Variants in GATD1 observed in about 807,000 individuals in gnomAD.
GATD1 encodes the protein glutamine amidotransferase-like class 1 domain-containing protein 1.
Under a neutral mutation model 25.9 loss-of-function variants are expected in GATD1, and 23 were observed. The ratio of observed to expected loss-of-function variants is 0.89; its 90% CI spans 0.64 to 1.26. The LOEUF is 1.26. Ranked by LOEUF, GATD1 falls within the 50% of genes most tolerant of loss-of-function variation. The probability of loss-of-function intolerance (pLI) is 0.00; values close to 1 mark genes in which losing one functional copy is unlikely to be tolerated. For missense variants in GATD1, 347 were observed against 312.5 expected (o/e 1.11, Z -0.83); for synonymous variants, 177 against 134.6 (o/e 1.31, Z -2.18).
chr11:770,952 G>A lies in GATD1; in HGVS notation c.656+41C>T, dbSNP rs761110618. On this transcript the variant is annotated intron_variant, in intron 7 of 7. Coordinates refer to ENST00000319863, the MANE Select transcript of GATD1 (RefSeq NM_182612.4). ...AGCTTGGGCAAAAGCACCGGGTGCA[G>A]CTCTGATGTGGCAGGAATGTGCCCA... The A allele has an allele frequency of 2.5e-6, 4 of 1,613,730 alleles. 1 individual carries two copies. The highest frequency in any genetic ancestry group is 2.2e-5 in the South Asian group (2 of 91,074).
chr11:770,702 G>A lies in GATD1; in HGVS notation c.*195C>T. The A allele has an allele frequency of 6.9e-7, 1 of 1,441,686 alleles. No individual in the cohort carries two copies. The highest frequency in any genetic ancestry group is 1.4e-5 in the African/African-American group (1 of 70,224). The allele number at this position is 1,441,686 out of a possible 1,614,324, so 89.3% of individuals were successfully genotyped here. On this transcript the variant is annotated 3_prime_UTR_variant, in exon 8 of 8. Transcript: ENST00000319863. Reference sequence around the variant, plus strand: ...ACCAGAGAACATGCAGGAGGATGGGGGTTTGGACCCTCCAGGAGAGCCGAC... The same window carrying A: ...ACCAGAGAACATGCAGGAGGATGGGAGTTTGGACCCTCCAGGAGAGCCGAC...
chr11:775,664 C>A (rs116734035), intron 1 of GATD1, among the ~76,000 whole-genome samples: 8 of 152,214 alleles, frequency 5.3e-5, no homozygotes, highest in African/African-American at 1.7e-4. Flanking sequence ...CCTGGCCCCC[C>A]CTCACCCCTT....
Position 772,517 on chromosome 11 carries a change from G to C in GATD1, c.360C>G (p.Pro120=), listed in dbSNP as rs748025248. Residue 120 remains proline, a synonymous_variant, in exon 5 of 8, where the codon CCC becomes CCG. Coordinates refer to ENST00000319863, the MANE Select transcript of GATD1 (RefSeq NM_182612.4). ...CGACACCGTGGCCGACGGCGCAGAT[G>C]GGTTCTGAAAGCCGTACATGGCGTT... is the stretch of plus-strand genomic sequence containing the variant. The part of the protein sequence containing the change: ...ILQHFHSESK[P]ICAVGHGVAA... 2 of 1,610,686 alleles carry C rather than the reference G, an allele frequency of 1.2e-6. No homozygotes were observed. Among genetic ancestry groups the C allele is most frequent in the East Asian group, 4.5e-5 (2 of 44,870 alleles).
chr11:775,869 C>T (rs1374674868), intron 1 of GATD1, among the ~76,000 whole-genome samples: 5 of 152,174 alleles, frequency 3.3e-5, no homozygotes, highest in Non-Finnish European at 5.9e-5. Context: ...CCCACCCTGC[C>T]TGCCGGAGAG....
Position 772,482 on chromosome 11 carries a change from C to T in GATD1, c.395G>A (p.Cys132Tyr). 6.2e-7 allele frequency: 1 copy of T among 1,613,102 alleles called. No individual in the cohort carries two copies. The highest frequency in any genetic ancestry group is 8.5e-7 in the Non-Finnish European group (1 of 1,179,994). ...CAVGHGVAALCCATNEDRSWV... is the reference protein window; with the variant it reads ...CAVGHGVAALYCATNEDRSWV... Reference sequence around the variant, plus strand: ...GGATCTGTCCTCGTTGGTGGCACAGCACAGGGCGGCGACACCGTGGCCGAC... The same window carrying T: ...GGATCTGTCCTCGTTGGTGGCACAGTACAGGGCGGCGACACCGTGGCCGAC... The change falls in exon 5 of 8, where the codon TGC (cysteine) becomes TAC (tyrosine). Residue 132 changes from cysteine (C) to tyrosine (Y), a missense_variant. By Grantham distance (194) the Cys-to-Tyr change is radical. Transcript: ENST00000319863.
chr11:775,034 G>A, intron 2 of GATD1, 32 bp downstream of exon 2: 2 of 1,566,520 alleles, frequency 1.3e-6, no homozygotes, highest in Non-Finnish European at 1.7e-6. Context: ...CAGACCCCAA[G>A]TGTCCAGTGG....
chr11:774,628 C>T (rs1013100802), intron 2 of GATD1, among the ~76,000 whole-genome samples: 4 of 152,192 alleles, frequency 2.6e-5, no homozygotes, highest in South Asian at 2.1e-4. Context: ...GTTGGGAGTT[C>T]GAGACCATCC....
chr11:774,904 CA>C (rs1863809067), intron 2 of GATD1, among the ~76,000 whole-genome samples, 161 bp downstream of exon 2: 3 of 152,100 alleles, frequency 2.0e-5, no homozygotes, highest in Non-Finnish European at 4.4e-5. Flanking sequence ...GGGACTGGGA[CA>C]GGGGGACGCC....
chr11:768,017 A>C lies in GATD1; in HGVS notation c.*2880T>G, dbSNP rs1863153115. On this transcript the variant is annotated 3_prime_UTR_variant, in exon 8 of 8. Transcript: ENST00000319863. ...AGGCGCCCACCACCGCGCCCGGCTA[A>C]TTTCTGTATTTTTAGTAGAGACGGG... is the stretch of plus-strand genomic sequence containing the variant. 1 of 151,162 alleles carries C rather than the reference A, an allele frequency of 6.6e-6. No individual in the cohort carries two copies. The highest frequency in any genetic ancestry group is 2.1e-4 in the South Asian group (1 of 4,770). 9.4% of individuals were successfully genotyped at this position (151,162 alleles called of 1,614,324 possible).
intron 4 of GATD1, 50 bp downstream of exon 4, chr11:773,472 T>C (rs1167799619): frequency 5.5e-6 from 8 of 1,465,300 alleles, no homozygotes; most frequent in East Asian, 4.6e-5. Context: ...GACCCATTTC[T>C]TGTGACACTG....
chr11:773,977 C>T (rs1363633172), intron 3 of GATD1, 31 bp downstream of exon 3: 12 of 1,601,724 alleles, frequency 7.5e-6, no homozygotes, highest in Non-Finnish European at 1.0e-5. Context: ...TCCCAGGCAC[C>T]CCACCCCCAA....
chr11:772,566 C>T lies in GATD1; in HGVS notation c.356-45G>A, dbSNP rs145755451. ...TTGAGGCCCTGGACCCCGCCACCCG[C>T]ACCCTGAAGCCCCTCCCAGATGCCC... On this transcript the variant is annotated intron_variant, in intron 4 of 7. Coordinates refer to ENST00000319863, the MANE Select transcript of GATD1 (RefSeq NM_182612.4). The T allele has an allele frequency of 4.8e-4, 742 of 1,553,894 alleles. 8 individuals carry two copies. In the African/African-American group the frequency reaches 8.2e-3, roughly 17 times the overall value.
chr11:770,393 C>T lies in GATD1; in HGVS notation c.*504G>A. 1.3e-6 allele frequency: 2 copies of T among 1,524,616 alleles called. No homozygotes were observed. The highest frequency in any genetic ancestry group is 1.8e-6 in the Non-Finnish European group (2 of 1,142,430). 94.4% of individuals were successfully genotyped at this position (1,524,616 alleles called of 1,614,324 possible). Reference sequence around the variant, plus strand: ...CGGTCGGCCTTGGGGCAGGAGGCTGCTGCTCCTAAAAAATTCCGTTCACCT... The same window carrying T: ...CGGTCGGCCTTGGGGCAGGAGGCTGTTGCTCCTAAAAAATTCCGTTCACCT... On this transcript the variant is annotated 3_prime_UTR_variant, in exon 8 of 8. Transcript: ENST00000319863.
rs1380084312 is a variant in GATD1, at chr11:775,915, ATC to A, written c.65-775_65-774del. 4.0e-5 allele frequency among the ~76,000 whole-genome samples: 6 copies of A among 148,282 alleles called. No homozygotes were observed. In the East Asian group the frequency reaches 9.9e-4, roughly 24 times the overall value. The stretch of plus-strand genomic sequence containing the variant: ...TTTATTCCAAAGTAGCGTGAGCTGT[ATC>A]TCTCTACATTTATTTTAACTCTGGG... On this transcript the variant is annotated intron_variant, in intron 1 of 7. Coordinates refer to ENST00000319863, the MANE Select transcript of GATD1 (RefSeq NM_182612.4).
At position 767,250 on chromosome 11, in the gene GATD1, T is replaced by C; in HGVS notation, c.*3647A>G. 1 of 1,536,070 alleles carries C rather than the reference T, an allele frequency of 6.5e-7. No homozygotes were observed. On this transcript the variant is annotated 3_prime_UTR_variant, in exon 8 of 8. Coordinates refer to ENST00000319863, the MANE Select transcript of GATD1 (RefSeq NM_182612.4). ...GCATGCTGCTGCATGGTTTTATTCC[T>C]CATGGGTAGATGAACACACACTGGT... is the stretch of plus-strand genomic sequence containing the variant.
rs1829971848 is a variant in GATD1 at position 770,219 on chromosome 11, A to G, written c.*678T>C. Reference sequence around the variant, plus strand: ...GCCACTGTGCAAGGCCGTGGGGGACAGCACTTTCCTATCATTGAGAATCTC... The same window carrying G: ...GCCACTGTGCAAGGCCGTGGGGGACGGCACTTTCCTATCATTGAGAATCTC... On this transcript the variant is annotated 3_prime_UTR_variant, in exon 8 of 8. Transcript: ENST00000319863. 1 of 1,376,318 alleles carries G rather than the reference A, an allele frequency of 7.3e-7. No homozygotes were observed. The highest frequency in any genetic ancestry group is 9.4e-7 in the Non-Finnish European group (1 of 1,060,484). 85.3% of individuals were successfully genotyped at this position (1,376,318 alleles called of 1,614,324 possible).
In GATD1 at chr11:775,976, C is replaced by CTTTTTTTTTTTTTTTTTTTTT. The variant is rs71022972; in HGVS notation, c.65-855_65-835dup. Among the ~76,000 whole-genome samples the CTTTTTTTTTTTTTTTTTTTTT allele has an allele frequency of 5.5e-4, 40 of 72,280 alleles. 3 individuals are homozygous for CTTTTTTTTTTTTTTTTTTTTT. The highest frequency in any genetic ancestry group is 7.8e-4 in the African/African-American group (13 of 16,704). 47.4% of individuals were successfully genotyped at this position (72,280 alleles called of 152,430 possible). A position where few individuals can be genotyped will look rare whatever the true frequency, so the allele number is the denominator to read the frequency against. On this transcript the variant is annotated intron_variant, in intron 1 of 7. Coordinates refer to ENST00000319863, the MANE Select transcript of GATD1 (RefSeq NM_182612.4). The stretch of plus-strand genomic sequence containing the variant: ...CCTCAGCTTCATTTTTATCTTCATT[C>CTTTTTTTTTTTTTTTTTTTTT]TTTTTTTTTTTTTTTTTTTTTTTTT...
At chr11:775,424 C>A (rs533930200) in intron 1 of GATD1, among the ~76,000 whole-genome samples, 3 of 152,360 alleles carry the variant, frequency 2.0e-5, no homozygotes, top group Admixed American at 2.0e-4. Flanking sequence ...GGGCTCTTTC[C>A]CCAGCCTGGC....
rs1425770759 is a variant in GATD1, at chr11:768,754, G to C, written c.*2143C>G. On this transcript the variant is annotated 3_prime_UTR_variant, in exon 8 of 8. Transcript: ENST00000319863. ...GGCTGAGGAAGATGGATCACCTGAGGTCAGGAGTTCAAGACCAGCCTGGCC... is the reference window on the plus strand; with the variant it reads ...GGCTGAGGAAGATGGATCACCTGAGCTCAGGAGTTCAAGACCAGCCTGGCC... The C allele has an allele frequency of 2.6e-5, 4 of 152,172 alleles. No individual in the cohort carries two copies. The highest frequency in any genetic ancestry group is 2.6e-4 in the Admixed American group (4 of 15,262). 9.4% of individuals were successfully genotyped at this position (152,172 alleles called of 1,614,324 possible).
Sources: allele counts gnomAD v4.1 joint callset (sites outside exome capture counted in the v4.1 genomes callset), GRCh38; gene constraint gnomAD v4.1.1; transcripts MANE v1.5; gene names NCBI Gene and HGNC (gene_info 2026-07-23, HGNC 2026-07-21).